CCDC7: variants seen among roughly 807,000 people sequenced by gnomAD.
CCDC7 encodes the protein coiled-coil domain-containing protein 7.
CCDC7 carries 183 observed loss-of-function variants against 196.9 expected under a neutral mutation model. The ratio of observed to expected loss-of-function variants is 0.93; its 90% CI spans 0.82 to 1.05. CCDC7 has a LOEUF of 1.05. CCDC7 is among the 50% of genes least tolerant of loss of function. The pLI is 0.00. For missense variants in CCDC7, 1,540 were observed against 1,482.2 expected, an observed-to-expected ratio of 1.04 and a Z score of -0.64; for synonymous variants, 525 against 484.6, an observed-to-expected ratio of 1.08 and a Z score of -1.10.
chr10:32,620,338 C>T (rs1223654836), intron 18 of CCDC7, among the ~76,000 whole-genome samples: 1 of 152,090 alleles, frequency 6.6e-6, no homozygotes, highest in Non-Finnish European at 1.5e-5. Context: ...ATATAATTTC[C>T]TGCACCTGTT....
chr10:32,543,680 T>C (rs982514190), intron 12 of CCDC7, among the ~76,000 whole-genome samples: 6 of 152,096 alleles, frequency 3.9e-5, no homozygotes, highest in African/African-American at 7.2e-5. Flanking sequence ...CATTGTTTCT[T>C]TGATGGTCTA....
At chr10:32,860,628 C>T (rs910900579) in intron 41 of CCDC7, among the ~76,000 whole-genome samples, 3 of 152,166 alleles carry the variant, frequency 2.0e-5, no homozygotes, top group Non-Finnish European at 4.4e-5. Flanking sequence ...CAAATTGTCT[C>T]TGTTTGCAGA....
intron 23 of CCDC7, among the ~76,000 whole-genome samples, chr10:32,689,877 G>A (rs1334149111): frequency 6.6e-6 from 1 of 151,980 alleles, no homozygotes; most frequent in African/African-American, 2.4e-5. Context: ...TGAGATTATA[G>A]GCACACACCA....
At chr10:32,602,146 G>A (rs1324344985) in intron 18 of CCDC7, among the ~76,000 whole-genome samples, 4 of 151,886 alleles carry the variant, frequency 2.6e-5, no homozygotes, top group East Asian at 1.9e-4. Context: ...TGAAGTCAGC[G>A]AGACCACAAA....
intron 24 of CCDC7, among the ~76,000 whole-genome samples, chr10:32,697,542 G>C (rs2077920646): frequency 6.6e-6 from 1 of 152,108 alleles, no homozygotes; most frequent in Non-Finnish European, 1.5e-5. Context: ...TCGCTTGGCG[G>C]GTCCCACACC....
intron 31 of CCDC7, among the ~76,000 whole-genome samples, chr10:32,815,893 G>T (rs1173518640): frequency 1.3e-5 from 2 of 152,168 alleles, no homozygotes; most frequent in Non-Finnish European, 2.9e-5. Context: ...AATAGGAACA[G>T]CTCCAGTCCA....
chr10:32,763,529 TC>T (rs1447024607), intron 28 of CCDC7, among the ~76,000 whole-genome samples: 5 of 151,920 alleles, frequency 3.3e-5, no homozygotes, highest in African/African-American at 9.7e-5. Context: ...GATATCTGCA[TC>T]CCCGTGTCCA....
Position 32,484,467 on chromosome 10 carries a change from T to C in CCDC7, c.797-7455T>C, listed in dbSNP as rs544202906. On this transcript the variant is annotated intron_variant, in intron 8 of 41. Coordinates refer to ENST00000639629, the Ensembl canonical transcript of CCDC7. ...ACAGGGACAATTTGACTGCCTCTTTTCCTAATTCAATACCCTTTATTTCTT... is the reference window on the plus strand; with the variant it reads ...ACAGGGACAATTTGACTGCCTCTTTCCCTAATTCAATACCCTTTATTTCTT... 9.2e-5 allele frequency among the ~76,000 whole-genome samples: 14 copies of C among 152,344 alleles called. No homozygotes were observed. In the East Asian group the frequency reaches 2.5e-3, roughly 27 times the overall value.
intron 18 of CCDC7, among the ~76,000 whole-genome samples, chr10:32,613,161 T>C (rs1194514569): frequency 6.6e-6 from 1 of 152,020 alleles, no homozygotes; most frequent in Non-Finnish European, 1.5e-5. Flanking sequence ...TGGGTGTATG[T>C]GTCCAGGAAT....
chr10:32,739,232 C>T (rs941415094), intron 28 of CCDC7, among the ~76,000 whole-genome samples: 1 of 151,694 alleles, frequency 6.6e-6, no homozygotes, highest in Non-Finnish European at 1.5e-5. Flanking sequence ...TTTCTCTTTT[C>T]TTGTTTGCTT....
chr10:32,456,433 T>G, intron 3 of CCDC7, 99 bp downstream of exon 4: 1 of 947,068 alleles, frequency 1.1e-6, no homozygotes, highest in African/African-American at 1.7e-5. Flanking sequence ...TAATCTAGAT[T>G]CAGTGTCTTA....
chr10:32,809,179 G>T lies in CCDC7; in HGVS notation c.3097+4081G>T, dbSNP rs375183487. On this transcript the variant is annotated intron_variant, in intron 30 of 41. Transcript: ENST00000639629. ...TACACAAGAAACATGAAAAAGCGAG[G>T]AAATGTGACACCTCAAAAAGAACAC... Among the ~76,000 whole-genome samples the T allele has an allele frequency of 2.6e-5, 4 of 152,124 alleles. No homozygotes were observed. The East Asian group carries it at 7.7e-4, about 29-fold the overall frequency.
intron 16 of CCDC7, among the ~76,000 whole-genome samples, chr10:32,573,078 A>C (rs938704819): frequency 3.3e-5 from 5 of 151,754 alleles, no homozygotes; most frequent in Non-Finnish European, 7.4e-5. Flanking sequence ...GGGTTTCGCC[A>C]TGTTGGCCAG....
rs971321464 is a variant in CCDC7 at position 32,563,007 on chromosome 10, TGACA to T, written c.1135-2544_1135-2541del. The stretch of plus-strand genomic sequence containing the variant: ...AATCACAGGCATTCTTATACACCAA[TGACA>T]GACAGAGAGGCAAATCATGAGTGAA... On this transcript the variant is annotated intron_variant, in intron 13 of 41. Transcript: ENST00000639629. Among the ~76,000 whole-genome samples, 36 of 151,816 alleles carry T rather than the reference TGACA, an allele frequency of 2.4e-4. 1 individual carries two copies. Among genetic ancestry groups the T allele is most frequent in the South Asian group, 1.2e-3 (6 of 4,804 alleles).
intron 33 of CCDC7, among the ~76,000 whole-genome samples, chr10:32,838,480 G>A (rs1281154614): frequency 1.3e-5 from 2 of 152,028 alleles, no homozygotes; most frequent in Non-Finnish European, 2.9e-5. Flanking sequence ...AAGAAGTTTG[G>A]GACTATGTTA....
chr10:32,855,933 T>C (rs566349488), intron 41 of CCDC7, among the ~76,000 whole-genome samples: 6 of 152,256 alleles, frequency 3.9e-5, no homozygotes, highest in South Asian at 2.1e-4. Flanking sequence ...CTCACATATA[T>C]GGTCAAATGA....
At chr10:32,682,598 T>G (rs2075993640) in intron 21 of CCDC7, among the ~76,000 whole-genome samples, 1 of 152,248 alleles carries the variant, frequency 6.6e-6, no homozygotes, top group African/African-American at 2.4e-5. Flanking sequence ...CTGAACTTAT[T>G]TACATTCCCA....
chr10:32,639,906 T>C (rs1159021100), intron 20 of CCDC7, among the ~76,000 whole-genome samples: 2 of 152,178 alleles, frequency 1.3e-5, no homozygotes, highest in Non-Finnish European at 2.9e-5. Flanking sequence ...CGTGAGCCAC[T>C]GCACCCGACC....
chr10:32,733,260 G>A (rs2084289414), intron 28 of CCDC7, among the ~76,000 whole-genome samples: 1 of 151,970 alleles, frequency 6.6e-6, no homozygotes, highest in African/African-American at 2.4e-5. Context: ...CAACAACGTG[G>A]CAGTTGGTTA....
Sources: allele counts gnomAD v4.1 joint callset (sites outside exome capture counted in the v4.1 genomes callset), GRCh38; gene constraint gnomAD v4.1.1; transcripts MANE v1.5; gene names NCBI Gene and HGNC (gene_info 2026-07-23, HGNC 2026-07-21).